Variants in ATP6V1A observed in about 807,000 individuals in gnomAD.
The protein encoded by ATP6V1A is V-type proton ATPase catalytic subunit A.
In ATP6V1A, 18 loss-of-function variants were observed where a neutral mutation model predicts 70.1. That is an observed-to-expected ratio of 0.26 (90% CI 0.18 to 0.38). The LOEUF (loss-of-function observed/expected upper bound fraction) is 0.38, where lower values mean the gene tolerates loss of function less well. Ranked by LOEUF, ATP6V1A falls within the 10% of genes least tolerant of loss-of-function variation. The pLI is 1.00. For missense variants in ATP6V1A, 424 were observed against 772.4 expected (o/e 0.55, Z 5.35); for synonymous variants, 232 against 253.8 (o/e 0.91, Z 0.82).
intron 1 of ATP6V1A, among the ~76,000 whole-genome samples, chr3:113,764,804 G>A (rs1337995628): frequency 1.3e-5 from 2 of 151,934 alleles, no homozygotes. Context: ...CGGCACAGTG[G>A]CTCATGCCTG....
intron 13 of ATP6V1A, 134 bp from the exon 14 acceptor site, chr3:113,805,220 C>A (rs932272703): frequency 1.1e-5 from 10 of 871,138 alleles, no homozygotes; most frequent in Non-Finnish European, 1.7e-5. Flanking sequence ...TTTTTTTATT[C>A]CTTAGGTATC....
Position 113,809,272 on chromosome 3 carries a change from CTT to C in ATP6V1A, c.1762-62_1762-61del, listed in dbSNP as rs1709314666. On this transcript the variant is annotated intron_variant, in intron 14 of 14. Transcript: ENST00000273398. ...TCTGCCTCCAAAAAAAAAAAAGTAA[CTT>C]AACATACGTAATGAAAATTATTTTC... The C allele has an allele frequency of 3.5e-6, 5 of 1,411,858 alleles. No individual in the cohort carries two copies. The South Asian group carries it at 3.7e-5, about 10-fold the overall frequency. The allele number at this position is 1,411,858 out of a possible 1,614,324, so 87.5% of individuals were successfully genotyped here. A position where few individuals can be genotyped will look rare whatever the true frequency, so the allele number is the denominator to read the frequency against.
At chr3:113,773,265 A>G (rs1317072389) in intron 1 of ATP6V1A, among the ~76,000 whole-genome samples, 2 of 152,086 alleles carry the variant, frequency 1.3e-5, no homozygotes, top group Non-Finnish European at 2.9e-5. Context: ...AAGGACAGTC[A>G]TCTTGGTTTG....
intron 1 of ATP6V1A, among the ~76,000 whole-genome samples, chr3:113,749,589 T>C (rs1371887124): frequency 6.6e-6 from 1 of 152,120 alleles, no homozygotes; most frequent in Non-Finnish European, 1.5e-5. Flanking sequence ...CATCATCATC[T>C]TTTCTATTCT....
At chr3:113,762,660 G>A (rs986568020) in intron 1 of ATP6V1A, among the ~76,000 whole-genome samples, 1 of 152,130 alleles carries the variant, frequency 6.6e-6, no homozygotes, top group Non-Finnish European at 1.5e-5. Context: ...ACACCATGAA[G>A]GTTCAGGATT....
At chr3:113,756,575 G>C (rs1708648773) in intron 1 of ATP6V1A, among the ~76,000 whole-genome samples, 1 of 152,128 alleles carries the variant, frequency 6.6e-6, no homozygotes, top group Non-Finnish European at 1.5e-5. Context: ...AATAGCTTAA[G>C]TTACTATCAT....
intron 1 of ATP6V1A, among the ~76,000 whole-genome samples, chr3:113,765,364 G>A (rs1708756170): frequency 6.6e-6 from 1 of 152,132 alleles, no homozygotes; most frequent in Admixed American, 6.6e-5. Context: ...CAGCACTTTG[G>A]GAGGCCGACG....
intron 1 of ATP6V1A, among the ~76,000 whole-genome samples, chr3:113,773,950 C>T (rs904992153): frequency 2.0e-4 from 30 of 152,034 alleles, no homozygotes; most frequent in Non-Finnish European, 3.4e-4. Flanking sequence ...TTGTGTCTTA[C>T]TTCATTATAT....
At chr3:113,777,748 G>T (rs904692105) in intron 1 of ATP6V1A, among the ~76,000 whole-genome samples, 3 of 152,124 alleles carry the variant, frequency 2.0e-5, no homozygotes, top group African/African-American at 4.8e-5. Flanking sequence ...GACAGACTGT[G>T]TTAGAAAAAA....
intron 1 of ATP6V1A, among the ~76,000 whole-genome samples, chr3:113,778,062 C>T (rs760634530): frequency 1.3e-5 from 2 of 152,096 alleles, no homozygotes; most frequent in Non-Finnish European, 2.9e-5. Flanking sequence ...ATAAAACCAT[C>T]CAGCATCCAG....
intron 8 of ATP6V1A, among the ~76,000 whole-genome samples, chr3:113,793,885 T>C (rs554070622): frequency 3.4e-4 from 52 of 152,196 alleles, no homozygotes; most frequent in Non-Finnish European, 2.6e-4. Context: ...TTGGAACTTT[T>C]ATAATATAAC....
Position 113,757,968 on chromosome 3 carries a change from A to G in ATP6V1A, c.-14+10855A>G, listed in dbSNP as rs147856380. On this transcript the variant is annotated intron_variant, in intron 1 of 14. Coordinates refer to ENST00000273398, the MANE Select transcript of ATP6V1A (RefSeq NM_001690.4). ...AGACCATCCTGGCCAACATGGTGAAACCCCATCTCTACTGAAAATACAAAA... is the reference window on the plus strand; with the variant it reads ...AGACCATCCTGGCCAACATGGTGAAGCCCCATCTCTACTGAAAATACAAAA... Among the ~76,000 whole-genome samples, 826 of 152,156 alleles carry G rather than the reference A, an allele frequency of 5.4e-3. 1 individual carries two copies. Among genetic ancestry groups the G allele is most frequent in the Non-Finnish European group, 8.0e-3 (545 of 67,984 alleles).
intron 8 of ATP6V1A, among the ~76,000 whole-genome samples, chr3:113,793,757 A>G (rs538079457): frequency 1.1e-4 from 17 of 152,302 alleles, no homozygotes; most frequent in African/African-American, 3.9e-4. Context: ...AAGATGCAAT[A>G]TGATAAATAG....
chr3:113,809,863 G>A lies in ATP6V1A; in HGVS notation c.*436G>A, dbSNP rs1018067054. ...TTTGTGAAATGACTCAATTTCTATT[G>A]TGGTAAGCTCATTGGCAGCTTAGCA... is the stretch of plus-strand genomic sequence containing the variant. On this transcript the variant is annotated 3_prime_UTR_variant, in exon 15 of 15. Transcript: ENST00000273398. 2.0e-5 allele frequency: 3 copies of A among 152,664 alleles called. No homozygotes were observed. The highest frequency in any genetic ancestry group is 7.2e-5 in the African/African-American group (3 of 41,406). 9.5% of individuals were successfully genotyped at this position (152,664 alleles called of 1,614,324 possible).
chr3:113,778,623 A>G (rs1708943523), intron 1 of ATP6V1A, 118 bp from the exon 2 acceptor site: 1 of 504,674 alleles, frequency 2.0e-6, no homozygotes, highest in Non-Finnish European at 3.3e-6. Context: ...GAAGAAGTAT[A>G]ATAACTCAAG....
Position 113,759,936 on chromosome 3 carries a change from C to T in ATP6V1A, c.-14+12823C>T, listed in dbSNP as rs139720733. On this transcript the variant is annotated intron_variant, in intron 1 of 14. Coordinates refer to ENST00000273398, the MANE Select transcript of ATP6V1A (RefSeq NM_001690.4). ...TCCCTGTTTTTCTAGCATTTATAGT[C>T]TGGAAGTGAAGACAGACATTGAACA... 4.5e-3 allele frequency among the ~76,000 whole-genome samples: 687 copies of T among 152,278 alleles called. 3 individuals are homozygous for T. Among genetic ancestry groups the T allele is most frequent in the African/African-American group, 0.015 (631 of 41,568 alleles).
intron 6 of ATP6V1A, among the ~76,000 whole-genome samples, chr3:113,787,847 G>A (rs966436328): frequency 1.3e-5 from 2 of 152,156 alleles, no homozygotes; most frequent in Non-Finnish European, 2.9e-5. Context: ...TTCTTAATTT[G>A]TTGTCTGCTC....
Position 113,795,124 on chromosome 3 carries a change from G to A in ATP6V1A, c.1146G>A (p.Leu382=). 1 of 1,614,102 alleles carries A rather than the reference G, an allele frequency of 6.2e-7. No individual in the cohort carries two copies. The highest frequency in any genetic ancestry group is 8.5e-7 in the Non-Finnish European group (1 of 1,180,018). ...ATCCAGCCTATCTTGGTGCCCGTCT[G>A]GCCTCGTTTTATGAACGAGCAGGCA... ...SGYPAYLGAR[L]ASFYERAGRV... is the part of the protein sequence containing the mutation. Residue 382 remains leucine, a synonymous_variant, in exon 10 of 15, where the codon CTG becomes CTA. Coordinates refer to ENST00000273398, the MANE Select transcript of ATP6V1A (RefSeq NM_001690.4).
intron 1 of ATP6V1A, among the ~76,000 whole-genome samples, chr3:113,776,557 T>A (rs1414509500): frequency 6.6e-6 from 1 of 152,164 alleles, no homozygotes; most frequent in Non-Finnish European, 1.5e-5. Context: ...TCTGTAAACA[T>A]ATAATAAATG....
Sources: gnomAD v4.1 joint callset for allele counts (sites outside exome capture counted in the v4.1 genomes callset) on GRCh38, gnomAD v4.1.1 for gene constraint, MANE v1.5 for transcripts, NCBI Gene and HGNC (gene_info 2026-07-23, HGNC 2026-07-21) for gene names.